Variants in HAO1 observed in about 807,000 individuals in gnomAD.
The protein encoded by HAO1 is hydroxyacid oxidase 1, also known as 2-Hydroxyacid oxidase 1.
A neutral mutation model predicts 39.7 loss-of-function variants in HAO1; 34 were observed. That is an observed-to-expected ratio of 0.86 (90% CI 0.65 to 1.14). The LOEUF (loss-of-function observed/expected upper bound fraction) is 1.14. Among genes scored for constraint, HAO1 ranks in the 50% most tolerant of loss-of-function variants. The probability of loss-of-function intolerance (pLI) is 0.00; values close to 1 mark genes in which losing one functional copy is unlikely to be tolerated. For synonymous variants in HAO1, 172 were observed against 173.2 expected, an observed-to-expected ratio of 0.99 and a Z score of 0.05; for missense variants, 479 against 464.5, an observed-to-expected ratio of 1.03 and a Z score of -0.29.
At position 7,907,725 on chromosome 20, in the gene HAO1, T is replaced by C. The variant is rs188247029; in HGVS notation, c.546-1396A>G. ...TGGCTTCCCCTGTGCCTGAGGTCTT[T>C]TCTCTTGGCCTAATATCCTGGCTAG... On this transcript the variant is annotated intron_variant, in intron 3 of 7. Coordinates refer to ENST00000378789, the MANE Select transcript of HAO1 (RefSeq NM_017545.3). 2.0e-5 allele frequency among the ~76,000 whole-genome samples: 3 copies of C among 152,262 alleles called. No homozygotes were observed. The East Asian group carries it at 5.8e-4, about 29-fold the overall frequency.
At chr20:7,908,306 C>A (rs967896941) in intron 3 of HAO1, among the ~76,000 whole-genome samples, 1 of 150,748 alleles carries the variant, frequency 6.6e-6, no homozygotes. Context: ...GCACGAGAAT[C>A]GCTTGAACCC....
In HAO1 at chr20:7,883,386, T is replaced by A. The variant is rs764794993; in HGVS notation, c.*207A>T. ...AGTTAATATATTTCCAGGATGAAAG[T>A]CCATTTCTTTCTAAAAGGTTCCTAG... On this transcript the variant is annotated 3_prime_UTR_variant, in exon 8 of 8. Coordinates refer to ENST00000378789, the MANE Select transcript of HAO1 (RefSeq NM_017545.3). 2 of 557,808 alleles carry A rather than the reference T, an allele frequency of 3.6e-6. No homozygotes were observed. The highest frequency in any genetic ancestry group is 3.2e-6 in the Non-Finnish European group (1 of 311,374). The allele number at this position is 557,808 out of a possible 1,614,324, so 34.6% of individuals were successfully genotyped here.
At chr20:7,931,565 G>A (rs895062955) in intron 2 of HAO1, among the ~76,000 whole-genome samples, 8 of 151,984 alleles carry the variant, frequency 5.3e-5, no homozygotes, top group Non-Finnish European at 1.0e-4. Flanking sequence ...GCCGCTCTGA[G>A]CCTTCAATGC....
At chr20:7,929,091 G>A (rs908829254) in intron 2 of HAO1, among the ~76,000 whole-genome samples, 1 of 134,798 alleles carries the variant, frequency 7.4e-6, no homozygotes, top group Non-Finnish European at 1.6e-5. Context: ...TTGTTTGTTT[G>A]TTTGTTTCAA....
intron 3 of HAO1, among the ~76,000 whole-genome samples, chr20:7,908,108 G>A (rs979364669): frequency 1.8e-4 from 28 of 151,940 alleles, no homozygotes; most frequent in African/African-American, 6.3e-4. Context: ...TTTATATATC[G>A]GCTGGGCGCA....
chr20:7,919,468 G>T (rs983747642), intron 2 of HAO1, among the ~76,000 whole-genome samples: 1 of 152,030 alleles, frequency 6.6e-6, no homozygotes, highest in Non-Finnish European at 1.5e-5. Context: ...AAGGGACACT[G>T]GCCAGGTCTC....
intron 2 of HAO1, 90 bp from the exon 3 acceptor site, chr20:7,914,509 G>A: frequency 7.1e-7 from 1 of 1,411,488 alleles, no homozygotes; most frequent in East Asian, 2.3e-5. Context: ...AAGACATCTA[G>A]AAGGGCAATT....
chr20:7,905,398 A>G (rs2050242527), intron 4 of HAO1, among the ~76,000 whole-genome samples: 1 of 152,210 alleles, frequency 6.6e-6, no homozygotes, highest in Admixed American at 6.5e-5. Flanking sequence ...TAATAGACAT[A>G]CATTAATGGA....
At chr20:7,930,292 C>T (rs2050379958) in intron 2 of HAO1, among the ~76,000 whole-genome samples, 1 of 151,858 alleles carries the variant, frequency 6.6e-6, no homozygotes. Flanking sequence ...TCCCAATATT[C>T]CCAAGGACTG....
intron 2 of HAO1, among the ~76,000 whole-genome samples, chr20:7,926,971 C>T (rs1256685976): frequency 6.6e-6 from 1 of 151,974 alleles, no homozygotes; most frequent in African/African-American, 2.4e-5. Context: ...AGCACTCCCT[C>T]ATGTGGCACT....
intron 2 of HAO1, among the ~76,000 whole-genome samples, chr20:7,929,567 T>TA (rs2050376802): frequency 6.6e-6 from 1 of 152,002 alleles, no homozygotes; most frequent in Admixed American, 6.6e-5. Context: ...TGCAGCAGTG[T>TA]AAAAAAGTAG....
intron 3 of HAO1, among the ~76,000 whole-genome samples, chr20:7,910,589 C>T (rs537131438): frequency 3.9e-5 from 6 of 152,236 alleles, no homozygotes; most frequent in South Asian, 2.1e-4. Flanking sequence ...CTACATCTGT[C>T]ATTTCATCTC....
Position 7,908,410 on chromosome 20 carries a change from T to A in HAO1, c.546-2081A>T, listed in dbSNP as rs1364525497. 5.3e-5 allele frequency among the ~76,000 whole-genome samples: 8 copies of A among 150,634 alleles called. No homozygotes were observed. The South Asian group carries it at 1.7e-3, about 32-fold the overall frequency. On this transcript the variant is annotated intron_variant, in intron 3 of 7. Coordinates refer to ENST00000378789, the MANE Select transcript of HAO1 (RefSeq NM_017545.3). Reference sequence around the variant, plus strand: ...TCTCAAAATAAAAAAAAAAAAAAAATTATATATTATACTAGAAGAATCTAG... The same window carrying A: ...TCTCAAAATAAAAAAAAAAAAAAAAATATATATTATACTAGAAGAATCTAG...
intron 3 of HAO1, among the ~76,000 whole-genome samples, chr20:7,911,622 TG>T (rs1256451568): frequency 2.0e-5 from 3 of 152,170 alleles, no homozygotes; most frequent in African/African-American, 7.2e-5. Context: ...ACATGTGTTT[TG>T]CATATGGACC....
At chr20:7,907,550 A>G (rs997338531) in intron 3 of HAO1, among the ~76,000 whole-genome samples, 2 of 152,028 alleles carry the variant, frequency 1.3e-5, no homozygotes, top group African/African-American at 4.8e-5. Flanking sequence ...CCTATTAACT[A>G]CTTGCACTGA....
chr20:7,939,897 T>C (rs144214327), intron 1 of HAO1, among the ~76,000 whole-genome samples: 147 of 152,310 alleles, frequency 9.7e-4, no homozygotes, highest in African/African-American at 3.4e-3. Flanking sequence ...AACAATCCAG[T>C]CTGGTTCATC....
At chr20:7,939,886 C>T (rs1352933813) in intron 1 of HAO1, among the ~76,000 whole-genome samples, 2 of 152,106 alleles carry the variant, frequency 1.3e-5, no homozygotes, top group Admixed American at 1.3e-4. Context: ...ACATTTGAGC[C>T]AACAATCCAG....
At chr20:7,926,739 C>A (rs35502451) in intron 2 of HAO1, among the ~76,000 whole-genome samples, 12,579 of 152,170 alleles carry the variant, frequency 0.083, 869 homozygotes, top group East Asian at 0.31. Context: ...CCCAAAACTT[C>A]ACTTTGGAAT....
chr20:7,931,659 C>T (rs2050386250), intron 2 of HAO1, among the ~76,000 whole-genome samples: 1 of 152,046 alleles, frequency 6.6e-6, no homozygotes, highest in Non-Finnish European at 1.5e-5. Flanking sequence ...GGGGATAAGA[C>T]TGTAATAGGC....
Sources: allele counts gnomAD v4.1 joint callset (sites outside exome capture counted in the v4.1 genomes callset), GRCh38; gene constraint gnomAD v4.1.1; transcripts MANE v1.5; gene names NCBI Gene and HGNC (gene_info 2026-07-23, HGNC 2026-07-21).